LONRF2: variants seen among roughly 807,000 people sequenced by gnomAD.
LONRF2 encodes LON peptidase N-terminal domain and RING finger protein 2.
LONRF2 carries 35 observed loss-of-function variants against 66.6 expected under a neutral mutation model. The observed-to-expected ratio is 0.53, with a 90% CI of 0.40 to 0.70. The LOEUF (loss-of-function observed/expected upper bound fraction) is 0.70. Ranked by LOEUF, LONRF2 falls within the 30% of genes least tolerant of loss-of-function variation. LONRF2 has a pLI of 0.00. For synonymous variants in LONRF2, 417 were observed against 418.1 expected, an observed-to-expected ratio of 1.00 and a Z score of 0.03; for missense variants, 902 against 1,002.1, an observed-to-expected ratio of 0.90 and a Z score of 1.35.
Position 100,321,493 on chromosome 2 carries a change from C to T in LONRF2, c.601G>A (p.Ala201Thr), listed in dbSNP as rs1002181824. The T allele has an allele frequency of 4.6e-6, 7 of 1,533,210 alleles. No homozygotes were observed. In the African/African-American group the frequency reaches 7.1e-5, roughly 16 times the overall value. 95.0% of individuals were successfully genotyped at this position (1,533,210 alleles called of 1,614,324 possible). The change falls in exon 1 of 12, where the codon GCA becomes ACA. Residue 201 changes from alanine (A) to threonine (T), a missense_variant. Ala to Thr is a moderately conservative substitution (Grantham distance 58). Around this residue, in one of 2 missense-constraint regions of LONRF2, gnomAD observed 585 missense variants for 569.9 expected, o/e 1.03. Coordinates refer to ENST00000393437, the MANE Select transcript of LONRF2 (RefSeq NM_198461.4). ...FPAECRLRRL[A>T]GQARSLQRQQ... ...CGCTGCAGGCTCCGCGCCTGGCCTG[C>T]CAGCCTGCGCAGCCGGCACTCGGCC...
chr2:100,295,619 G>A (rs1488327353), intron 7 of LONRF2, 66 bp from the exon 8 acceptor site: 3 of 1,520,232 alleles, frequency 2.0e-6, no homozygotes, highest in Non-Finnish European at 2.7e-6. Context: ...GCTTCCGAGT[G>A]GAAAGGTGAA....
chr2:100,286,785 G>A (rs1439999771), intron 11 of LONRF2, 129 bp downstream of exon 11: 11 of 1,043,542 alleles, frequency 1.1e-5, no homozygotes, highest in Non-Finnish European at 1.4e-5. Context: ...GCTGTTAGTA[G>A]ATGAACTGGT....
intron 1 of LONRF2, among the ~76,000 whole-genome samples, chr2:100,314,460 T>C (rs1350949034): frequency 6.6e-6 from 1 of 152,220 alleles, no homozygotes; most frequent in Non-Finnish European, 1.5e-5. Flanking sequence ...AGTGAGTACT[T>C]ACTGTGTTTA....
At position 100,322,127 on chromosome 2, in the gene LONRF2, G is replaced by C. The variant is rs1038933582; in HGVS notation, c.-34C>G. On this transcript the variant is annotated 5_prime_UTR_variant, in exon 1 of 12. Coordinates refer to ENST00000393437, the MANE Select transcript of LONRF2 (RefSeq NM_198461.4). Reference sequence around the variant, plus strand: ...GGCTGCGACGACGCGGGTCCGGAGCGAAGGCGCGGAGCAGGGAGGATGCGC... The same window carrying C: ...GGCTGCGACGACGCGGGTCCGGAGCCAAGGCGCGGAGCAGGGAGGATGCGC... 4 of 1,237,072 alleles carry C rather than the reference G, an allele frequency of 3.2e-6. No individual in the cohort carries two copies. In the East Asian group the frequency reaches 1.3e-4, roughly 40 times the overall value. 76.6% of individuals were successfully genotyped at this position (1,237,072 alleles called of 1,614,324 possible). A position where few individuals can be genotyped will look rare whatever the true frequency, so the allele number is the denominator to read the frequency against.
intron 1 of LONRF2, among the ~76,000 whole-genome samples, chr2:100,321,113 C>T (rs1675613067): frequency 6.6e-6 from 1 of 152,196 alleles, no homozygotes; most frequent in Admixed American, 6.5e-5. Flanking sequence ...CCTCCCCGCT[C>T]CTCAACAGCG....
intron 1 of LONRF2, among the ~76,000 whole-genome samples, chr2:100,311,035 T>C (rs59727890): frequency 0.054 from 8,254 of 152,270 alleles, 571 homozygotes; most frequent in African/African-American, 0.16. Flanking sequence ...TGAGATTTTA[T>C]GTATTTCATC....
Position 100,276,986 on chromosome 2 carries a change from G to A in LONRF2, c.*7312C>T, listed in dbSNP as rs1015219084. Reference sequence around the variant, plus strand: ...GGAAACTCATTGTCACACTCATTAAGGACATACAAGTCCAACATCTTTAGA... The same window carrying A: ...GGAAACTCATTGTCACACTCATTAAAGACATACAAGTCCAACATCTTTAGA... On this transcript the variant is annotated 3_prime_UTR_variant, in exon 12 of 12. Transcript: ENST00000393437. 2.0e-5 allele frequency: 3 copies of A among 152,234 alleles called. No individual in the cohort carries two copies. The highest frequency in any genetic ancestry group is 4.4e-5 in the Non-Finnish European group (3 of 68,054). 9.4% of individuals were successfully genotyped at this position (152,234 alleles called of 1,614,324 possible).
Position 100,276,700 on chromosome 2 carries a change from C to T in LONRF2, c.*7598G>A, listed in dbSNP as rs1306663144. ...TACAACCTTATTGCTGCAGTCCCATCCATTACCCAATTTCCATTATTATTA... is the reference window on the plus strand; with the variant it reads ...TACAACCTTATTGCTGCAGTCCCATTCATTACCCAATTTCCATTATTATTA... On this transcript the variant is annotated 3_prime_UTR_variant, in exon 12 of 12. Coordinates refer to ENST00000393437, the MANE Select transcript of LONRF2 (RefSeq NM_198461.4). The T allele has an allele frequency of 6.6e-6, 1 of 152,280 alleles. No individual in the cohort carries two copies. The highest frequency in any genetic ancestry group is 2.1e-4 in the South Asian group (1 of 4,830). 9.4% of individuals were successfully genotyped at this position (152,280 alleles called of 1,614,324 possible). A position where few individuals can be genotyped will look rare whatever the true frequency, so the allele number is the denominator to read the frequency against.
chr2:100,298,859 A>G lies in LONRF2; in HGVS notation c.1453T>C (p.Leu485=). The change falls in exon 7 of 12, where the codon TTG becomes CTG. Residue 485 remains leucine, a synonymous_variant. Coordinates refer to ENST00000393437, the MANE Select transcript of LONRF2 (RefSeq NM_198461.4). Reference sequence around the variant, plus strand: ...ACTTCCGAAAGTTTGTCTTTGCACAAAGGACAGTGTGGGGCGTGGTCAAGG... The same window carrying G: ...ACTTCCGAAAGTTTGTCTTTGCACAGAGGACAGTGTGGGGCGTGGTCAAGG... ...RCLDHAPHCP[L]CKDKLSELLA... 3.1e-6 allele frequency: 5 copies of G among 1,614,102 alleles called. No homozygotes were observed. Among genetic ancestry groups the G allele is most frequent in the Non-Finnish European group, 3.4e-6 (4 of 1,179,956 alleles).
Position 100,321,968 on chromosome 2 carries a change from T to C in LONRF2, c.126A>G (p.Ala42=). 2.0e-6 allele frequency: 3 copies of C among 1,468,556 alleles called. No homozygotes were observed. The highest frequency in any genetic ancestry group is 1.8e-6 in the Non-Finnish European group (2 of 1,111,806). The allele number at this position is 1,468,556 out of a possible 1,614,324, so 91.0% of individuals were successfully genotyped here. ...CTAGCATGGAGCGAAAGAGCTCGGC[T>C]GCCATCTCGTAGTCGCCCGCGCGGA... ...EAFRAGDYEM[A]AELFRSMLAG... The change falls in exon 1 of 12, where the codon GCA becomes GCG. Residue 42 remains alanine (A), a synonymous_variant. Transcript: ENST00000393437.
chr2:100,284,603 T>C (rs1243135389), intron 11 of LONRF2, 111 bp from the exon 12 acceptor site: 9 of 883,260 alleles, frequency 1.0e-5, no homozygotes, highest in Non-Finnish European at 1.5e-5. Context: ...AAATGCCACC[T>C]TGTATTTTAG....
intron 1 of LONRF2, among the ~76,000 whole-genome samples, chr2:100,315,366 A>G (rs1425400622): frequency 1.3e-5 from 2 of 152,212 alleles, no homozygotes; most frequent in Admixed American, 6.5e-5. Context: ...TGGAGTTTCT[A>G]TGTATGCCAG....
chr2:100,305,021 A>C (rs1353064149), intron 2 of LONRF2, among the ~76,000 whole-genome samples: 1 of 151,578 alleles, frequency 6.6e-6, no homozygotes, highest in Non-Finnish European at 1.5e-5. Flanking sequence ...GGAATCATCC[A>C]CTCCGGGATT....
intron 8 of LONRF2, 98 bp from the exon 9 acceptor site, chr2:100,294,485 C>T (rs777433053): frequency 1.8e-6 from 2 of 1,124,598 alleles, no homozygotes; most frequent in African/African-American, 1.6e-5. Flanking sequence ...AACCTCAGTT[C>T]TCCCCTCTAC....
chr2:100,312,854 A>T (rs1675434704), intron 1 of LONRF2, among the ~76,000 whole-genome samples: 1 of 152,346 alleles, frequency 6.6e-6, no homozygotes, highest in Non-Finnish European at 1.5e-5. Context: ...TTCTCCAAGG[A>T]TCCCTCAAAA....
rs531832067 is a variant in LONRF2, at chr2:100,275,927, T to C, written c.*8371A>G. On this transcript the variant is annotated 3_prime_UTR_variant, in exon 12 of 12. Transcript: ENST00000393437. ...ATTTATGCGTGTGAGTGCATATACA[T>C]ACACATACACACATATATACACATG... The C allele has an allele frequency of 3.3e-5, 5 of 152,240 alleles. No homozygotes were observed. Among genetic ancestry groups the C allele is most frequent in the African/African-American group, 9.6e-5 (4 of 41,462 alleles). 9.4% of individuals were successfully genotyped at this position (152,240 alleles called of 1,614,324 possible). A position where few individuals can be genotyped will look rare whatever the true frequency, so the allele number is the denominator to read the frequency against.
At chr2:100,315,377 G>T (rs1054385971) in intron 1 of LONRF2, among the ~76,000 whole-genome samples, 3 of 152,042 alleles carry the variant, frequency 2.0e-5, no homozygotes, top group Non-Finnish European at 4.4e-5. Flanking sequence ...TGTATGCCAG[G>T]TCATCTACAA....
At chr2:100,293,726 C>T (rs1478841281) in intron 9 of LONRF2, among the ~76,000 whole-genome samples, 1 of 152,180 alleles carries the variant, frequency 6.6e-6, no homozygotes. Context: ...AAGCTTTGCG[C>T]AGGATATAGA....
chr2:100,287,032 G>A lies in LONRF2; in HGVS notation c.1952C>T (p.Ala651Val). ...VEGPEYEELA[A>V]LHDSVHQQSV... ...CTGTTGATGCACAGAATCGTGGAGA[G>A]CGGCAAGTTCTTCATACTCTGGACC... Residue 651 changes from alanine (A) to valine (V), a missense_variant, in exon 11 of 12, where the codon GCT becomes GTT. By Grantham distance (64) the Ala-to-Val change is moderately conservative (BLOSUM62 0). This residue lies in a region of LONRF2 where 317 missense variants were observed against 432.2 expected (regional missense o/e 0.73). Coordinates refer to ENST00000393437, the MANE Select transcript of LONRF2 (RefSeq NM_198461.4). 1 of 1,614,086 alleles carries A rather than the reference G, an allele frequency of 6.2e-7. No homozygotes were observed.
Sources: allele counts gnomAD v4.1 joint callset (sites outside exome capture counted in the v4.1 genomes callset), GRCh38; gene constraint gnomAD v4.1.1; regional missense constraint gnomAD v4.1.1; transcripts MANE v1.5; gene names NCBI Gene and HGNC (gene_info 2026-07-23, HGNC 2026-07-21).